Variants in IL16 observed in about 807,000 individuals in gnomAD.
IL16 encodes pro-interleukin-16.
A neutral mutation model predicts 110.1 loss-of-function variants in IL16; 67 were observed. The observed-to-expected ratio is 0.61, with a 90% CI of 0.50 to 0.75. The LOEUF (loss-of-function observed/expected upper bound fraction) is 0.75, where lower values mean the gene tolerates loss of function less well. Among genes scored for constraint, IL16 ranks in the 30% least tolerant of loss-of-function variants. IL16 has a pLI of 0.00. For missense variants in IL16, 1,545 were observed against 1,655.0 expected (o/e 0.93, Z 1.15); for synonymous variants, 689 against 662.9 (o/e 1.04, Z -0.61).
chr15:81,301,243 T>TA, intron 14 of IL16, 101 bp from the exon 15 acceptor site: 1 of 989,138 alleles, frequency 1.0e-6, no homozygotes. Flanking sequence ...AATATGCACA[T>TA]AAGTGCTTGG....
intron 1 of IL16, among the ~76,000 whole-genome samples, chr15:81,187,837 T>C (rs1401548625): frequency 1.3e-5 from 2 of 152,202 alleles, no homozygotes; most frequent in African/African-American, 4.8e-5. Context: ...CTGGGGGTTC[T>C]GGGATAAGAA....
At chr15:81,279,277 A>G (rs1417725110) in intron 7 of IL16, among the ~76,000 whole-genome samples, 1 of 151,814 alleles carries the variant, frequency 6.6e-6, no homozygotes, top group African/African-American at 2.4e-5. Flanking sequence ...ATCTATCTCT[A>G]TCTATTCATC....
At chr15:81,259,552 G>A (rs921786793) in intron 2 of IL16, among the ~76,000 whole-genome samples, 2 of 152,204 alleles carry the variant, frequency 1.3e-5, no homozygotes, top group Non-Finnish European at 2.9e-5. Context: ...TACTATTAAT[G>A]TAATCTATTC....
At chr15:81,232,026 C>A (rs1245103549) in intron 2 of IL16, among the ~76,000 whole-genome samples, 1 of 138,726 alleles carries the variant, frequency 7.2e-6, no homozygotes, top group Non-Finnish European at 1.6e-5. Flanking sequence ...CATGTAAGTC[C>A]TCCACATTTG....
intron 8 of IL16, among the ~76,000 whole-genome samples, chr15:81,280,615 T>C (rs1392247436): frequency 6.6e-6 from 1 of 152,070 alleles, no homozygotes; most frequent in Admixed American, 6.5e-5. Flanking sequence ...TTGGGAGTAG[T>C]GGATTTGGAG....
rs566830263 is a variant in IL16, at chr15:81,311,831, C to T, written c.*3033C>T. 1 of 152,290 alleles carries T rather than the reference C, an allele frequency of 6.6e-6. No individual in the cohort carries two copies. Among genetic ancestry groups the T allele is most frequent in the Non-Finnish European group, 1.5e-5 (1 of 68,026 alleles). The allele number at this position is 152,290 out of a possible 1,614,324, so 9.4% of individuals were successfully genotyped here. A position where few individuals can be genotyped will look rare whatever the true frequency, so the allele number is the denominator to read the frequency against. On this transcript the variant is annotated 3_prime_UTR_variant, in exon 19 of 19. Coordinates refer to ENST00000683961, the MANE Select transcript of IL16 (RefSeq NM_172217.5). ...TTGAAAAGGGTGTTAGCTAAAGGATCTTAGGCATGACTGTAGAATTTGTAG... is the reference window on the plus strand; with the variant it reads ...TTGAAAAGGGTGTTAGCTAAAGGATTTTAGGCATGACTGTAGAATTTGTAG...
intron 8 of IL16, 76 bp downstream of exon 8, chr15:81,279,850 A>AATCAGTCC: frequency 7.7e-7 from 1 of 1,292,558 alleles, no homozygotes; most frequent in Admixed American, 1.9e-5. Flanking sequence ...CCTCACTTGG[A>AATCAGTCC]ATCAGTCCAG....
At chr15:81,215,034 G>A (rs142615452) in intron 1 of IL16, among the ~76,000 whole-genome samples, 1 of 152,214 alleles carries the variant, frequency 6.6e-6, no homozygotes, top group African/African-American at 2.4e-5. Flanking sequence ...ACATTTTACT[G>A]GATTCCCTGG....
At position 81,217,570 on chromosome 15, in the gene IL16, C is replaced by T. The variant is rs1896476747; in HGVS notation, c.-101-7729C>T. The stretch of plus-strand genomic sequence containing the variant: ...TTTGCTCTTTTTATAAAACCTAAGA[C>T]AACCCAAATGAGATGGCAGACCATT... On this transcript the variant is annotated intron_variant, in intron 1 of 18. Transcript: ENST00000683961. 2.6e-5 allele frequency among the ~76,000 whole-genome samples: 4 copies of T among 152,106 alleles called. No individual in the cohort carries two copies. The South Asian group carries it at 8.3e-4, about 32-fold the overall frequency.
At position 81,282,772 on chromosome 15, in the gene IL16, T is replaced by G; in HGVS notation, c.1199+16T>G. 6.5e-7 allele frequency: 1 copy of G among 1,540,354 alleles called. No homozygotes were observed. Among genetic ancestry groups the G allele is most frequent in the Non-Finnish European group, 9.0e-7 (1 of 1,112,872 alleles). ...GACGTCTCCGGTATGTCCTCACTTC[T>G]GTTTCTGAATATACCCCCGACTTAC... On this transcript the variant is annotated intron_variant, in intron 9 of 18. Transcript: ENST00000683961.
intron 7 of IL16, 95 bp downstream of exon 7, chr15:81,278,985 A>C (rs890082392): frequency 3.6e-6 from 3 of 843,356 alleles, no homozygotes; most frequent in Non-Finnish European, 6.2e-6. Context: ...CAAACTGTGG[A>C]ACCCTTCACA....
chr15:81,291,703 TA>T (rs1899723824), intron 11 of IL16, among the ~76,000 whole-genome samples: 2 of 151,756 alleles, frequency 1.3e-5, no homozygotes, highest in Admixed American at 6.6e-5. Flanking sequence ...GAAACTAGGG[TA>T]GGGGGTACTG....
chr15:81,299,697 T>G lies in IL16; in HGVS notation c.2371T>G (p.Trp791Gly), dbSNP rs1317555701. Reference sequence around the variant, plus strand: ...TCCTCCTGTGGCTCCCAAGCCAGCCTGGTTTCGCCAAAGCTTGAAAGGTTT... The same window carrying G: ...TCCTCCTGTGGCTCCCAAGCCAGCCGGGTTTCGCCAAAGCTTGAAAGGTTT... Reference protein sequence around the residue: ...KGPPVAPKPAWFRQSLKGLRN... With the variant: ...KGPPVAPKPAGFRQSLKGLRN... The change falls in exon 14 of 19, where the codon TGG (tryptophan) becomes GGG (glycine). Residue 791 changes from tryptophan (W) to glycine (G), a missense_variant. Physicochemically the swap from Trp to Gly is radical, Grantham distance 184. Transcript: ENST00000683961. 6.2e-7 allele frequency: 1 copy of G among 1,614,250 alleles called. No individual in the cohort carries two copies. Among genetic ancestry groups the G allele is most frequent in the South Asian group, 1.1e-5 (1 of 91,090 alleles).
rs370368620 is a variant in IL16, at chr15:81,301,543, C to T, written c.3318+31C>T. ...TTTCCTTTGTAAGCATCTGCAGTAA[C>T]CAATGGCTTATTATGGCTGTGTGGC... On this transcript the variant is annotated intron_variant, in intron 15 of 18. Coordinates refer to ENST00000683961, the MANE Select transcript of IL16 (RefSeq NM_172217.5). 2.4e-4 allele frequency: 390 copies of T among 1,597,456 alleles called. 2 individuals carry two copies. The highest frequency in any genetic ancestry group is 2.3e-3 in the Middle Eastern group (14 of 5,984).
intron 2 of IL16, among the ~76,000 whole-genome samples, chr15:81,246,275 G>A: frequency 6.6e-6 from 1 of 151,956 alleles, no homozygotes; most frequent in Non-Finnish European, 1.5e-5. Context: ...TCAGGATACT[G>A]AAGAGTTGGT....
At chr15:81,241,616 A>G (rs1324124723) in intron 2 of IL16, among the ~76,000 whole-genome samples, 2 of 152,124 alleles carry the variant, frequency 1.3e-5, no homozygotes, top group African/African-American at 4.8e-5. Context: ...CAATTTTTAA[A>G]TAGTTATTTT....
At chr15:81,189,298 A>G (rs1002082160) in intron 1 of IL16, among the ~76,000 whole-genome samples, 16 of 151,758 alleles carry the variant, frequency 1.1e-4, no homozygotes, top group Middle Eastern at 3.2e-3. Context: ...TAAGTTTTGT[A>G]TTTTTAGTAC....
At chr15:81,266,559 G>A (rs928216377) in intron 4 of IL16, among the ~76,000 whole-genome samples, 1 of 152,210 alleles carries the variant, frequency 6.6e-6, no homozygotes, top group Non-Finnish European at 1.5e-5. Context: ...TTCAGCCCCA[G>A]CCAAAGCACG....
chr15:81,209,909 C>T (rs1174139013), intron 1 of IL16, among the ~76,000 whole-genome samples: 1 of 152,204 alleles, frequency 6.6e-6, no homozygotes, highest in Non-Finnish European at 1.5e-5. Context: ...GTTGCAATTG[C>T]TTTTGGGGAC....
Sources: allele counts gnomAD v4.1 joint callset (sites outside exome capture counted in the v4.1 genomes callset), GRCh38; gene constraint gnomAD v4.1.1; transcripts MANE v1.5; gene names NCBI Gene and HGNC (gene_info 2026-07-23, HGNC 2026-07-21).